TSC22D1: variants seen among roughly 807,000 people sequenced by gnomAD.
TSC22D1 encodes the protein TSC22 domain family protein 1.
A neutral mutation model predicts 74.2 loss-of-function variants in TSC22D1; 9 were observed. The observed-to-expected ratio is 0.12, with a 90% CI of 0.07 to 0.21. The LOEUF (loss-of-function observed/expected upper bound fraction) is 0.21. Ranked by LOEUF, TSC22D1 falls within the 10% of genes least tolerant of loss-of-function variation. TSC22D1 has a pLI of 1.00. For synonymous variants in TSC22D1, 586 were observed against 492.5 expected, an observed-to-expected ratio of 1.19 and a Z score of -2.51; for missense variants, 1,427 against 1,304.7, an observed-to-expected ratio of 1.09 and a Z score of -1.44.
intron 1 of TSC22D1, among the ~76,000 whole-genome samples, chr13:44,462,302 T>C (rs1877040476): frequency 6.6e-6 from 1 of 152,234 alleles, no homozygotes; most frequent in South Asian, 2.1e-4. Context: ...ATCAAACATC[T>C]ATTTTACAAA....
At chr13:44,537,650 T>C in intron 1 of TSC22D1, 2 of 984,664 alleles carry the variant, frequency 2.0e-6, no homozygotes, top group Non-Finnish European at 2.4e-6. Context: ...TAACATTTAC[T>C]AAAAACAAGT....
At chr13:44,509,639 A>G (rs1254669203) in intron 1 of TSC22D1, among the ~76,000 whole-genome samples, 3 of 152,012 alleles carry the variant, frequency 2.0e-5, no homozygotes, top group Non-Finnish European at 2.9e-5. Context: ...GACTCCATCC[A>G]TTATTTTATA....
chr13:44,484,985 G>A (rs1038539041), intron 1 of TSC22D1, among the ~76,000 whole-genome samples: 1 of 152,044 alleles, frequency 6.6e-6, no homozygotes, highest in Non-Finnish European at 1.5e-5. Context: ...AAGTAAAGTG[G>A]GATTATATGT....
chr13:44,472,531 A>C lies in TSC22D1; in HGVS notation c.2913-36436T>G, dbSNP rs577674306. Among the ~76,000 whole-genome samples, 5 of 152,268 alleles carry C rather than the reference A, an allele frequency of 3.3e-5. No homozygotes were observed. In the South Asian group the frequency reaches 1.0e-3, roughly 32 times the overall value. On this transcript the variant is annotated intron_variant, in intron 1 of 2. Coordinates refer to ENST00000458659, the MANE Select transcript of TSC22D1 (RefSeq NM_183422.4). ...TATGTGTACCAGGTCCCTAAAACGG[A>C]AACATGAAAAAGCATAGTCCTCGCC...
chr13:44,551,424 G>C (rs559804136), intron 1 of TSC22D1, among the ~76,000 whole-genome samples: 2,017 of 151,566 alleles, frequency 0.013, 23 homozygotes, highest in Non-Finnish European at 0.021. Flanking sequence ...GTGTGTGTGT[G>C]TGTGTGTGTC....
chr13:44,568,746 C>T (rs1019135267), intron 1 of TSC22D1, among the ~76,000 whole-genome samples: 1 of 152,070 alleles, frequency 6.6e-6, no homozygotes, highest in Non-Finnish European at 1.5e-5. Flanking sequence ...AAGGTAGAGC[C>T]CAAAACATAC....
chr13:44,547,888 C>T (rs1408448497), intron 1 of TSC22D1, among the ~76,000 whole-genome samples: 1 of 152,150 alleles, frequency 6.6e-6, no homozygotes, highest in Non-Finnish European at 1.5e-5. Flanking sequence ...CTCCTGGGCT[C>T]AAGCAATCCT....
intron 2 of TSC22D1, 164 bp downstream of exon 2, chr13:44,435,880 T>TG: frequency 1.4e-6 from 1 of 736,996 alleles, no homozygotes; most frequent in Non-Finnish European, 2.4e-6. Context: ...ACGGCTGCCG[T>TG]GGTAGGTGGC....
rs774537168 is a variant in TSC22D1 at position 44,553,171 on chromosome 13, A to AG, written c.2912+19991dup. Among the ~76,000 whole-genome samples, 180 of 152,336 alleles carry AG rather than the reference A, an allele frequency of 1.2e-3. 1 individual carries two copies. Among genetic ancestry groups the AG allele is most frequent in the Middle Eastern group, 3.4e-3 (1 of 294 alleles). On this transcript the variant is annotated intron_variant, in intron 1 of 2. Transcript: ENST00000458659. ...CGAACATTTCTCAATCTGTGTTTCA[A>AG]GGAACACTGGTTCTCCAGGTCAGTA...
chr13:44,504,411 C>T (rs1879350105), intron 1 of TSC22D1, among the ~76,000 whole-genome samples: 1 of 151,616 alleles, frequency 6.6e-6, no homozygotes, highest in African/African-American at 2.4e-5. Context: ...CAAGAACAGC[C>T]TGGGAAACAT....
At chr13:44,499,041 C>A (rs1464326661) in intron 1 of TSC22D1, among the ~76,000 whole-genome samples, 1 of 152,094 alleles carries the variant, frequency 6.6e-6, no homozygotes, top group Non-Finnish European at 1.5e-5. Context: ...TTTTTAAAAA[C>A]CTTAAATACA....
At chr13:44,458,925 A>T (rs9533860) in intron 1 of TSC22D1, among the ~76,000 whole-genome samples, 15,082 of 152,158 alleles carry the variant, frequency 0.099, 781 homozygotes, top group Non-Finnish European at 0.11. Context: ...CAGTACGAAC[A>T]GCCTGGGCAC....
At chr13:44,541,985 T>C (rs558704822) in intron 1 of TSC22D1, among the ~76,000 whole-genome samples, 21 of 152,250 alleles carry the variant, frequency 1.4e-4, no homozygotes, top group African/African-American at 5.1e-4. Context: ...TGACAAATTA[T>C]TCTTTTTCAT....
intron 1 of TSC22D1, among the ~76,000 whole-genome samples, chr13:44,470,596 C>T (rs1277462471): frequency 6.6e-6 from 1 of 152,140 alleles, no homozygotes; most frequent in Non-Finnish European, 1.5e-5. Flanking sequence ...TCTGGTGCTA[C>T]CTTTACGATA....
chr13:44,514,538 A>G (rs1879881036), intron 1 of TSC22D1, among the ~76,000 whole-genome samples: 1 of 152,068 alleles, frequency 6.6e-6, no homozygotes, highest in Non-Finnish European at 1.5e-5. Context: ...ATACAAACTG[A>G]CAGTATACGG....
chr13:44,574,822 G>T lies in TSC22D1; in HGVS notation c.1253C>A (p.Pro418His). 1 of 1,613,930 alleles carries T rather than the reference G, an allele frequency of 6.2e-7. No homozygotes were observed. The highest frequency in any genetic ancestry group is 8.5e-7 in the Non-Finnish European group (1 of 1,180,008). Residue 418 changes from proline to histidine, a missense_variant, in exon 1 of 3, where the codon CCC (proline) becomes CAC (histidine). Around this residue, in one of 3 missense-constraint regions of TSC22D1, gnomAD observed 1,343 missense variants for 1,191.5 expected, o/e 1.13. Transcript: ENST00000458659. ...GCAAGTCCATCTACCTTTTTTAAAG[G>T]GCTCAGAACTAGAATCTAACTTCAC... is the stretch of plus-strand genomic sequence containing the variant. ...RVVKLDSSSE[P>H]FKKGRWTCTE...
intron 1 of TSC22D1, chr13:44,537,733 T>A (rs1881237399): frequency 1.0e-6 from 1 of 984,088 alleles, no homozygotes; most frequent in Admixed American, 6.2e-5. Context: ...ATTGAACCTT[T>A]AAACTTACTT....
In TSC22D1 at chr13:44,432,414, C is replaced by T. The variant is rs1180265451; in HGVS notation, c.*2212G>A. 6.6e-6 allele frequency: 1 copy of T among 152,210 alleles called. No homozygotes were observed. Among genetic ancestry groups the T allele is most frequent in the Admixed American group, 6.5e-5 (1 of 15,286 alleles). The allele number at this position is 152,210 out of a possible 1,614,324, so 9.4% of individuals were successfully genotyped here. ...TAGTTTTTTCAAGGAAATGTAATTA[C>T]TACGTAAGTATTCCTTTATTAAATT... On this transcript the variant is annotated 3_prime_UTR_variant, in exon 3 of 3. Coordinates refer to ENST00000458659, the MANE Select transcript of TSC22D1 (RefSeq NM_183422.4).
intron 2 of TSC22D1, 23 bp from the exon 3 acceptor site, chr13:44,434,906 T>G (rs1217944750): frequency 2.5e-6 from 4 of 1,586,254 alleles, no homozygotes; most frequent in Non-Finnish European, 2.6e-6. Flanking sequence ...CAGAAAAGGT[T>G]TAACTCATTA....
Sources: gnomAD v4.1 joint callset for allele counts (sites outside exome capture counted in the v4.1 genomes callset) on GRCh38, gnomAD v4.1.1 for gene constraint, gnomAD v4.1.1 regional missense constraint, MANE v1.5 for transcripts, NCBI Gene and HGNC (gene_info 2026-07-23, HGNC 2026-07-21) for gene names.